Variants in GATA4 observed in about 807,000 individuals in gnomAD.
GATA4 encodes the protein GATA binding protein 4, also known as transcription factor GATA-4.
GATA4 carries 7 observed loss-of-function variants against 37.9 expected under a neutral mutation model. The ratio of observed to expected loss-of-function variants is 0.18; its 90% CI spans 0.11 to 0.35. The LOEUF (loss-of-function observed/expected upper bound fraction) is 0.35. Ranked by LOEUF, GATA4 falls within the 10% of genes least tolerant of loss-of-function variation. The probability of loss-of-function intolerance (pLI) is 1.00; values close to 1 mark genes in which losing one functional copy is unlikely to be tolerated. For missense variants in GATA4, 647 were observed against 653.0 expected (o/e 0.99, Z 0.10); for synonymous variants, 372 against 292.6 (o/e 1.27, Z -2.77).
At chr8:11,681,529 G>C (rs916130157) in intron 1 of GATA4, 3 of 905,180 alleles carry the variant, frequency 3.3e-6, no homozygotes, top group Non-Finnish European at 4.0e-6. Context: ...TCCCTCTCGG[G>C]AACGGCTGCT....
chr8:11,717,401 C>T (rs1235141813), intron 2 of GATA4, among the ~76,000 whole-genome samples: 1 of 152,116 alleles, frequency 6.6e-6, no homozygotes, highest in Non-Finnish European at 1.5e-5. Context: ...TCATCTGATG[C>T]CAGGGACTTT....
chr8:11,690,744 A>C (rs1799283734), upstream of GATA4, among the ~76,000 whole-genome samples: 1 of 152,108 alleles, frequency 6.6e-6, no homozygotes, highest in African/African-American at 2.4e-5. Flanking sequence ...GGTGGTGCGC[A>C]CCTGTACTCC....
chr8:11,690,153 G>A (rs1308471393), upstream of GATA4, among the ~76,000 whole-genome samples: 3 of 152,264 alleles, frequency 2.0e-5, no homozygotes, highest in Non-Finnish European at 4.4e-5. Context: ...CACCAATGGA[G>A]GATGAAGGTG....
chr8:11,690,757 G>A (rs1799284796), upstream of GATA4, among the ~76,000 whole-genome samples: 4 of 152,146 alleles, frequency 2.6e-5, no homozygotes, highest in South Asian at 4.1e-4. Flanking sequence ...TGTACTCCTC[G>A]CTACTCCGGA....
chr8:11,711,952 T>C (rs977650666), intron 2 of GATA4, among the ~76,000 whole-genome samples: 4 of 152,056 alleles, frequency 2.6e-5, no homozygotes, highest in Admixed American at 1.3e-4. Flanking sequence ...GGCCAGACAG[T>C]GTGGTGGGAG....
intron 2 of GATA4, among the ~76,000 whole-genome samples, chr8:11,718,174 C>T (rs1024168710): frequency 6.6e-6 from 1 of 152,054 alleles, no homozygotes; most frequent in Admixed American, 6.5e-5. Context: ...TGACTAAAAC[C>T]CCAGGCAGGA....
At chr8:11,731,595 A>G (rs902170129) in intron 2 of GATA4, among the ~76,000 whole-genome samples, 1 of 152,154 alleles carries the variant, frequency 6.6e-6, no homozygotes, top group African/African-American at 2.4e-5. Context: ...GTGCGGGAGG[A>G]TGGGGAGTTA....
intron 2 of GATA4, among the ~76,000 whole-genome samples, chr8:11,746,480 G>A (rs17153710): frequency 3.9e-5 from 6 of 152,186 alleles, no homozygotes; most frequent in African/African-American, 1.4e-4. Flanking sequence ...AGGCTAGACC[G>A]CGTGTCTTGG....
At chr8:11,723,681 G>A (rs1234700252) in intron 2 of GATA4, among the ~76,000 whole-genome samples, 1 of 152,134 alleles carries the variant, frequency 6.6e-6, no homozygotes, top group Non-Finnish European at 1.5e-5. Context: ...TGCAGAGTCA[G>A]GAAATACGTA....
intron 6 of GATA4, among the ~76,000 whole-genome samples, chr8:11,757,833 T>C (rs934460130): frequency 6.6e-6 from 1 of 152,238 alleles, no homozygotes; most frequent in African/African-American, 2.4e-5. Flanking sequence ...TGACCAGCCC[T>C]GGCTGTTATC....
chr8:11,696,187 G>C (rs913564801), intron 1 of GATA4, among the ~76,000 whole-genome samples: 2 of 151,980 alleles, frequency 1.3e-5, no homozygotes, highest in Admixed American at 1.3e-4. Context: ...TCAGAGTCTT[G>C]ACATACACAC....
intron 2 of GATA4, among the ~76,000 whole-genome samples, chr8:11,726,021 G>A (rs1045146057): frequency 1.3e-5 from 2 of 152,190 alleles, no homozygotes; most frequent in African/African-American, 2.4e-5. Context: ...AGTTCCACTA[G>A]CCTGGAAGTA....
In GATA4 at chr8:11,708,170, T is replaced by A; in HGVS notation, c.-143T>A. The A allele has an allele frequency of 1.1e-6, 1 of 893,866 alleles. No homozygotes were observed. The highest frequency in any genetic ancestry group is 1.8e-6 in the Non-Finnish European group (1 of 563,226). 55.4% of individuals were successfully genotyped at this position (893,866 alleles called of 1,614,324 possible). A position where few individuals can be genotyped will look rare whatever the true frequency, so the allele number is the denominator to read the frequency against. ...AATACGTATATATTTTTAAGCGAGT[T>A]GGTTTTTTCCCCTTTGATTTTTGAT... On this transcript the variant is annotated 5_prime_UTR_variant, in exon 2 of 7. Transcript: ENST00000532059. This position sits in a 1 kb window ranked among gnomAD's most constrained non-coding sequence, Gnocchi z 6.7.
chr8:11,719,194 T>A (rs569069453), intron 2 of GATA4, among the ~76,000 whole-genome samples: 113 of 151,294 alleles, frequency 7.5e-4, no homozygotes, highest in African/African-American at 2.6e-3. Context: ...AGGTATTAGG[T>A]GGGGGAGTCC....
upstream of GATA4, among the ~76,000 whole-genome samples, chr8:11,691,490 A>T (rs931479612): frequency 6.6e-6 from 1 of 152,242 alleles, no homozygotes; most frequent in African/African-American, 2.4e-5. Context: ...CTTATTAAAG[A>T]TGAGGTTTCT....
intron 4 of GATA4, among the ~76,000 whole-genome samples, chr8:11,750,531 G>T (rs1216257572): frequency 6.3e-4 from 96 of 152,104 alleles, no homozygotes; most frequent in Admixed American, 6.3e-3. Context: ...TGACAAAATT[G>T]GCTGTTCATT....
chr8:11,716,740 C>A (rs984359139), intron 2 of GATA4, among the ~76,000 whole-genome samples: 6 of 152,198 alleles, frequency 3.9e-5, no homozygotes, highest in Non-Finnish European at 7.3e-5. Context: ...TGCCTGAAAA[C>A]CACTAACCGG....
At chr8:11,736,588 A>C (rs1171543306) in intron 2 of GATA4, among the ~76,000 whole-genome samples, 1 of 152,248 alleles carries the variant, frequency 6.6e-6, no homozygotes, top group Non-Finnish European at 1.5e-5. Context: ...GACCTTCGTC[A>C]AGACCCCGGG....
chr8:11,677,492 C>A (rs1463029770), intron 1 of GATA4, among the ~76,000 whole-genome samples: 1 of 152,150 alleles, frequency 6.6e-6, no homozygotes, highest in Non-Finnish European at 1.5e-5. Context: ...CCAGGTATCC[C>A]AGGACCATCT....
Sources: allele counts gnomAD v4.1 joint callset (sites outside exome capture counted in the v4.1 genomes callset), GRCh38; gene constraint gnomAD v4.1.1; non-coding constraint Gnocchi (gnomAD v3.1); transcripts MANE v1.5; gene names NCBI Gene and HGNC (gene_info 2026-07-23, HGNC 2026-07-21).